Variants in SAXO4 observed in about 807,000 individuals in gnomAD.
SAXO4 encodes the protein protein phosphatase 1 regulatory subunit 32.
the SAXO4 span, chr11:61,484,862 C>T: frequency 2.6e-6 from 4 of 1,514,578 alleles, no homozygotes; most frequent in Admixed American, 2.2e-5. Flanking sequence ...GCAGAGGGGC[C>T]ACACCCGCCT....
chr11:61,485,709 C>T, the SAXO4 span: 1 of 989,136 alleles, frequency 1.0e-6, no homozygotes, highest in Non-Finnish European at 1.6e-6. Context: ...TTGGGATCCA[C>T]TCCCTCTGCA....
At chr11:61,483,269 C>T in the SAXO4 span, among the ~76,000 whole-genome samples, 9 of 149,956 alleles carry the variant, frequency 6.0e-5, no homozygotes, top group East Asian at 5.9e-4. Context: ...TGGGTTCAAG[C>T]GATTCTCCTG....
chr11:61,487,053 G>C, the SAXO4 span: 1 of 1,614,020 alleles, frequency 6.2e-7, no homozygotes, highest in Non-Finnish European at 8.5e-7. Context: ...GGAGACTGTG[G>C]GGAAAAAGGT....
the SAXO4 span, chr11:61,486,971 C>T: frequency 6.2e-7 from 1 of 1,614,102 alleles, no homozygotes; most frequent in Non-Finnish European, 8.5e-7. Flanking sequence ...GCCCAGAACC[C>T]AGCAGCGTGA....
At chr11:61,488,679 C>T in the SAXO4 span, among the ~76,000 whole-genome samples, 1 of 152,324 alleles carries the variant, frequency 6.6e-6, no homozygotes, top group East Asian at 1.9e-4. Context: ...TCCCTGCCAC[C>T]TCTCTGTCTC....
At chr11:61,488,331 GTCTC>G in the SAXO4 span, among the ~76,000 whole-genome samples, 3 of 136,844 alleles carry the variant, frequency 2.2e-5, no homozygotes, top group African/African-American at 2.7e-5. Context: ...TTAAGATGGA[GTCTC>G]TCTCTGTCGT....
chr11:61,487,187 G>C, the SAXO4 span: 18 of 1,614,060 alleles, frequency 1.1e-5, no homozygotes, highest in African/African-American at 2.1e-4. Flanking sequence ...TGTATGTCCG[G>C]AGCCCCTGTG....
the SAXO4 span, chr11:61,485,933 T>C: frequency 6.4e-7 from 1 of 1,551,498 alleles, no homozygotes; most frequent in Non-Finnish European, 8.9e-7. Context: ...GGGCTCCTGC[T>C]AGAACTTTAG....
the SAXO4 span, chr11:61,487,334 C>A: frequency 1.8e-6 from 2 of 1,095,542 alleles, no homozygotes; most frequent in Non-Finnish European, 2.8e-6. Context: ...TGGAGAAGAT[C>A]AATGCTGAGT....
At chr11:61,487,091 C>T in the SAXO4 span, 1 of 1,612,256 alleles carries the variant, frequency 6.2e-7, no homozygotes, top group Non-Finnish European at 8.5e-7. Context: ...GCCTCCACCC[C>T]CAAATCCCCA....
chr11:61,482,420 G>A, the SAXO4 span: 80 of 1,613,794 alleles, frequency 5.0e-5, no homozygotes, highest in African/African-American at 5.6e-4. Context: ...TAGACAACCC[G>A]GCCAGGGGGT....
the SAXO4 span, chr11:61,484,731 C>G: frequency 1.2e-6 from 2 of 1,613,696 alleles, no homozygotes; most frequent in Non-Finnish European, 1.7e-6. Context: ...GGGCCTCAGG[C>G]CATCACGGGG....
chr11:61,485,010 C>T, the SAXO4 span, among the ~76,000 whole-genome samples: 3 of 152,168 alleles, frequency 2.0e-5, no homozygotes, highest in Admixed American at 6.5e-5. Flanking sequence ...TGTGGCTTCT[C>T]GCGATTTAAC....
the SAXO4 span, chr11:61,486,500 C>T: frequency 4.5e-5 from 73 of 1,611,262 alleles, no homozygotes; most frequent in Non-Finnish European, 5.9e-5. Flanking sequence ...ATCCTGGTGC[C>T]AGTGGCTGCT....
the SAXO4 span, among the ~76,000 whole-genome samples, chr11:61,483,594 G>A: frequency 6.6e-6 from 1 of 152,146 alleles, no homozygotes; most frequent in South Asian, 2.1e-4. Context: ...AAGATGATAA[G>A]AGCGGGTGGA....
the SAXO4 span, chr11:61,486,875 T>C: frequency 7.8e-7 from 1 of 1,274,052 alleles, no homozygotes; most frequent in Non-Finnish European, 1.1e-6. Context: ...TGCCTCTGCC[T>C]GCTCCCCTCT....
the SAXO4 span, chr11:61,487,226 C>G: frequency 6.2e-7 from 1 of 1,613,778 alleles, no homozygotes; most frequent in African/African-American, 1.3e-5. Flanking sequence ...GATACCTGAC[C>G]ACCTACAACC....
the SAXO4 span, among the ~76,000 whole-genome samples, chr11:61,485,637 G>T: frequency 6.6e-6 from 1 of 152,224 alleles, no homozygotes; most frequent in Non-Finnish European, 1.5e-5. Context: ...CTGTCCTCCG[G>T]CCTGGACTCT....
chr11:61,486,843 G>A, the SAXO4 span: 10 of 1,015,502 alleles, frequency 9.8e-6, no homozygotes, highest in Non-Finnish European at 1.4e-5. Flanking sequence ...CGCTGGGGCT[G>A]TGGACAGGTC....
Sources: allele counts gnomAD v4.1 joint callset (sites outside exome capture counted in the v4.1 genomes callset), GRCh38; gene constraint gnomAD v4.1.1; transcripts MANE v1.5; gene names NCBI Gene and HGNC (gene_info 2026-07-23, HGNC 2026-07-21).